Variants in SUMF1 observed in about 807,000 individuals in gnomAD.
The protein encoded by SUMF1 is sulfatase modifying factor 1.
In SUMF1, 48 loss-of-function variants were observed where a neutral mutation model predicts 47.6. The observed-to-expected ratio is 1.01, with a 90% CI of 0.80 to 1.28. SUMF1 has a LOEUF of 1.28. Ranked by LOEUF, SUMF1 falls within the 50% of genes most tolerant of loss-of-function variation. The probability of loss-of-function intolerance (pLI) is 0.00; values close to 1 mark genes in which losing one functional copy is unlikely to be tolerated. For missense variants in SUMF1, 571 were observed against 485.4 expected (o/e 1.18, Z -1.66); for synonymous variants, 230 against 192.1 (o/e 1.20, Z -1.63).
At chr3:4,392,591 A>ATGTGTG (rs1263878583) in intron 7 of SUMF1, among the ~76,000 whole-genome samples, 18 of 98,004 alleles carry the variant, frequency 1.8e-4, no homozygotes, top group Admixed American at 3.5e-4. Flanking sequence ...GTTCAGATAT[A>ATGTGTG]TATGTGTGTG....
rs369003869 is a variant in SUMF1 at position 4,322,233 on chromosome 3, T to C, written c.1014+54097A>G. 5.3e-5 allele frequency among the ~76,000 whole-genome samples: 8 copies of C among 152,220 alleles called. No individual in the cohort carries two copies. In the South Asian group the frequency reaches 8.3e-4, roughly 16 times the overall value. On this transcript the variant is annotated intron_variant and NMD_transcript_variant, in intron 8 of 12. Transcript: ENST00000448413. The stretch of plus-strand genomic sequence containing the variant: ...GGTAAAACTAAAAATCTGAATCAAC[T>C]ATGGTCTTTAGTTAATGATGTATCA...
intron 8 of SUMF1, among the ~76,000 whole-genome samples, chr3:4,109,360 T>A (rs1201525705): frequency 6.6e-6 from 1 of 152,100 alleles, no homozygotes; most frequent in Non-Finnish European, 1.5e-5. Context: ...CCTGAACATT[T>A]TTTCCTTCAT....
chr3:4,253,387 G>C (rs1234395519), intron 8 of SUMF1, among the ~76,000 whole-genome samples: 1 of 152,220 alleles, frequency 6.6e-6, no homozygotes, highest in Non-Finnish European at 1.5e-5. Context: ...GACAGTGGGC[G>C]CAGGCCAGTG....
rs536665154 is a variant in SUMF1 at position 4,180,257 on chromosome 3, C to T, written c.1015-111512G>A. On this transcript the variant is annotated intron_variant and NMD_transcript_variant, in intron 8 of 12. Coordinates refer to the SUMF1 transcript ENST00000448413. ...GACATATGCACACGTATGTTTATTGCGGCACTATTCACAATAGCAAAGGCT... is the reference window on the plus strand; with the variant it reads ...GACATATGCACACGTATGTTTATTGTGGCACTATTCACAATAGCAAAGGCT... 2.0e-4 allele frequency among the ~76,000 whole-genome samples: 31 copies of T among 152,172 alleles called. 1 individual carries two copies. Among genetic ancestry groups the T allele is most frequent in the Non-Finnish European group, 3.7e-4 (25 of 68,008 alleles).
At chr3:4,048,554 C>T (rs1695047469) in intron 9 of SUMF1, among the ~76,000 whole-genome samples, 1 of 151,790 alleles carries the variant, frequency 6.6e-6, no homozygotes, top group African/African-American at 2.4e-5. Flanking sequence ...TGTTATAAGT[C>T]CTCATAGCAC....
At chr3:4,257,022 T>C (rs1696970774) in intron 8 of SUMF1, among the ~76,000 whole-genome samples, 1 of 120,258 alleles carries the variant, frequency 8.3e-6, no homozygotes, top group Admixed American at 8.3e-5. Flanking sequence ...CATGATTATC[T>C]CAATAGAGGC....
chr3:4,034,739 T>A (rs915878764), intron 9 of SUMF1, among the ~76,000 whole-genome samples: 13 of 151,832 alleles, frequency 8.6e-5, no homozygotes, highest in Admixed American at 2.0e-4. Flanking sequence ...TCACAGGCAA[T>A]TGATGAACTA....
chr3:4,090,249 A>C (rs1692756518), intron 8 of SUMF1, among the ~76,000 whole-genome samples: 1 of 152,064 alleles, frequency 6.6e-6, no homozygotes, highest in African/African-American at 2.4e-5. Flanking sequence ...TCATTTCCTA[A>C]CCCAGGTCCA....
At chr3:4,260,426 A>G (rs1443874665) in intron 8 of SUMF1, among the ~76,000 whole-genome samples, 2 of 152,186 alleles carry the variant, frequency 1.3e-5, no homozygotes, top group African/African-American at 4.8e-5. Context: ...TACATTTTAA[A>G]ATTTTCAAAT....
chr3:4,245,861 G>C (rs1050139655), intron 8 of SUMF1, among the ~76,000 whole-genome samples: 1 of 152,224 alleles, frequency 6.6e-6, no homozygotes, highest in Non-Finnish European at 1.5e-5. Context: ...GGAATCTAGA[G>C]AGGCAGTAGC....
In SUMF1 at chr3:4,138,892, T is replaced by G. The variant is rs79574957; in HGVS notation, c.1015-70147A>C. On this transcript the variant is annotated intron_variant and NMD_transcript_variant, in intron 8 of 12. Transcript: ENST00000448413. ...TTGCAGCCAGCTGATGCGATGTTCT[T>G]GAGGCTATTTACCCATATTTTTTCT... Among the ~76,000 whole-genome samples the G allele has an allele frequency of 1.8e-4, 27 of 152,190 alleles. 2 individuals carry two copies. The East Asian group carries it at 5.0e-3, about 28-fold the overall frequency.
intron 8 of SUMF1, among the ~76,000 whole-genome samples, chr3:4,175,690 G>C (rs1305836013): frequency 6.6e-6 from 1 of 152,164 alleles, no homozygotes; most frequent in East Asian, 1.9e-4. Flanking sequence ...GAATGACTTT[G>C]ACAGGATGAC....
intron 8 of SUMF1, among the ~76,000 whole-genome samples, chr3:4,259,119 G>C (rs185176951): frequency 1.1e-3 from 139 of 129,566 alleles, no homozygotes; most frequent in African/African-American, 3.4e-3. Context: ...GTGGTGGGGT[G>C]GGGGGAGGGT....
intron 8 of SUMF1, among the ~76,000 whole-genome samples, chr3:4,328,810 C>G (rs1271692101): frequency 1.3e-5 from 2 of 152,256 alleles, no homozygotes; most frequent in African/African-American, 4.8e-5. Context: ...TCCAAAGTCT[C>G]ATCTGAGACA....
At chr3:4,410,243 G>A (rs1356212229) in intron 7 of SUMF1, among the ~76,000 whole-genome samples, 1 of 152,168 alleles carries the variant, frequency 6.6e-6, no homozygotes, top group Non-Finnish European at 1.5e-5. Flanking sequence ...GGTTTTAGAG[G>A]CAGGGTAGTA....
At chr3:4,050,755 A>C (rs563291257) in intron 9 of SUMF1, among the ~76,000 whole-genome samples, 1 of 150,920 alleles carries the variant, frequency 6.6e-6, no homozygotes, top group Non-Finnish European at 1.5e-5. Context: ...TCTCAAAAAA[A>C]AAAAAAAAAA....
At chr3:4,312,965 G>A in intron 8 of SUMF1, 2 of 1,613,942 alleles carry the variant, frequency 1.2e-6, no homozygotes, top group Middle Eastern at 1.7e-4. Flanking sequence ...TTTCCCGGAT[G>A]CATTTGTGTC....
At chr3:4,421,769 G>A (rs1353488044) in intron 3 of SUMF1, among the ~76,000 whole-genome samples, 5 of 152,184 alleles carry the variant, frequency 3.3e-5, no homozygotes, top group African/African-American at 9.7e-5. Context: ...ACAGGTGTAA[G>A]CTACTGCACC....
rs1345547224 is a variant in SUMF1, at chr3:4,456,656, G to GTA, written c.271-3608_271-3607insTA. Among the ~76,000 whole-genome samples, 7 of 142,802 alleles carry GTA rather than the reference G, an allele frequency of 4.9e-5. 1 individual carries two copies. The highest frequency in any genetic ancestry group is 1.8e-4 in the African/African-American group (7 of 38,630). The allele number at this position is 142,802 out of a possible 152,430, so 93.7% of individuals were successfully genotyped here. On this transcript the variant is annotated intron_variant, in intron 1 of 8. Coordinates refer to ENST00000272902, the MANE Select transcript of SUMF1 (RefSeq NM_182760.4). ...TATACGTGTATATATATATATGTGTGTGTATATATATATATACGTGTATAT... is the reference window on the plus strand; with the variant it reads ...TATACGTGTATATATATATATGTGTGTATGTATATATATATATACGTGTATAT...
Sources: gnomAD v4.1 joint callset for allele counts (sites outside exome capture counted in the v4.1 genomes callset) on GRCh38, gnomAD v4.1.1 for gene constraint, MANE v1.5 for transcripts, NCBI Gene and HGNC (gene_info 2026-07-23, HGNC 2026-07-21) for gene names.